Variants in FBXL22 observed in about 807,000 individuals in gnomAD.
FBXL22 encodes F-box and leucine rich repeat protein 22.
Under a neutral mutation model 11.7 loss-of-function variants are expected in FBXL22, and 13 were observed. The ratio of observed to expected loss-of-function variants is 1.11; its 90% confidence interval spans 0.73 to 1.77. The LOEUF (loss-of-function observed/expected upper bound fraction) is 1.77. FBXL22 is among the 40% of genes most tolerant of loss of function. The pLI, the probability that FBXL22 is intolerant of heterozygous loss-of-function variation, is 0.00. For synonymous variants in FBXL22, 160 were observed against 144.1 expected, an observed-to-expected ratio of 1.11 and a Z score of -0.79; for missense variants, 406 against 320.4, an observed-to-expected ratio of 1.27 and a Z score of -2.04.
chr15:63,601,200 T>C lies in FBXL22; in HGVS notation c.*161T>C, dbSNP rs752614278. On this transcript the variant is annotated 3_prime_UTR_variant, in exon 2 of 2. Transcript: ENST00000638704. ...AAGCCTACCTCACGTTACGATTTTA[T>C]ACATAGGATAAACGCAAGATTAAAT... The C allele has an allele frequency of 1.1e-4, 156 of 1,482,366 alleles. No homozygotes were observed. Among genetic ancestry groups the C allele is most frequent in the Non-Finnish European group, 1.3e-4 (147 of 1,124,242 alleles). 91.8% of individuals were successfully genotyped at this position (1,482,366 alleles called of 1,614,324 possible).
chr15:63,605,894 C>G (rs559693221), downstream of FBXL22, among the ~76,000 whole-genome samples: 2 of 152,176 alleles, frequency 1.3e-5, no homozygotes, highest in Non-Finnish European at 2.9e-5. Flanking sequence ...GCCCCAGTGC[C>G]GGCAGAGAGA....
chr15:63,607,812 G>T, the FBXL22 span, among the ~76,000 whole-genome samples: 1 of 152,128 alleles, frequency 6.6e-6, no homozygotes, highest in African/African-American at 2.4e-5. Context: ...GAGACAAGCT[G>T]TCCACAGGCC....
rs573827635 is a variant in FBXL22 at position 63,597,801 on chromosome 15, T to TG, written c.353+62dup. The TG allele has an allele frequency of 7.6e-4, 1,123 of 1,487,076 alleles. 3 individuals are homozygous for TG. The highest frequency in any genetic ancestry group is 8.4e-4 in the Non-Finnish European group (934 of 1,110,922). 92.1% of individuals were successfully genotyped at this position (1,487,076 alleles called of 1,614,324 possible). A position where few individuals can be genotyped will look rare whatever the true frequency, so the allele number is the denominator to read the frequency against. ...GCCCCGCTAGCTCTGGCTTCCCTCT[T>TG]GGGGGGCAGGGAAGAGCAAATTACG... On this transcript the variant is annotated intron_variant, in intron 1 of 1. Coordinates refer to ENST00000638704, the MANE Select transcript of FBXL22 (RefSeq NM_001367807.1). This position sits in a 1 kb window ranked among gnomAD's most constrained non-coding sequence, Gnocchi z 4.3.
Position 63,600,718 on chromosome 15 carries a change from C to T in FBXL22, c.375C>T (p.Val125=). 1.6e-6 allele frequency: 2 copies of T among 1,231,546 alleles called. No individual in the cohort carries two copies. Among genetic ancestry groups the T allele is most frequent in the Non-Finnish European group, 2.0e-6 (2 of 987,798 alleles). 76.3% of individuals were successfully genotyped at this position (1,231,546 alleles called of 1,614,324 possible). A position where few individuals can be genotyped will look rare whatever the true frequency, so the allele number is the denominator to read the frequency against. The change falls in exon 2 of 2, where the codon GTC becomes GTT. Residue 125 remains valine, a synonymous_variant. Transcript: ENST00000638704. ...ACAGGTGCCCCAACCTGGCGTCCGT[C>T]ACGCTCTCGGGCTGCGGCCACGTTA... ...VCDRCPNLAS[V]TLSGCGHVTD...
In FBXL22 at chr15:63,597,741, G is replaced by A. The variant is rs200607556; in HGVS notation, c.349G>A (p.Asp117Asn). 2.5e-5 allele frequency: 39 copies of A among 1,572,674 alleles called. No individual in the cohort carries two copies. The highest frequency in any genetic ancestry group is 2.0e-4 in the South Asian group (17 of 86,288). ...LVNDFLLRVCDRCPNLASVTL... is the reference protein window; with the variant it reads ...LVNDFLLRVCNRCPNLASVTL... ...CAATGATTTCCTCCTCCGGGTGTGCGACAGGTAGGCCACCTTGCCTCCTGA... is the reference window on the plus strand; with the variant it reads ...CAATGATTTCCTCCTCCGGGTGTGCAACAGGTAGGCCACCTTGCCTCCTGA... The change falls in exon 1 of 2, where the codon GAC (aspartate) becomes AAC (asparagine). Residue 117 changes from aspartate to asparagine, a missense_variant. Coordinates refer to ENST00000638704, the MANE Select transcript of FBXL22 (RefSeq NM_001367807.1). The surrounding 1 kb of genome is among the most constrained non-coding windows in gnomAD (Gnocchi z 4.3).
downstream of FBXL22, among the ~76,000 whole-genome samples, chr15:63,603,986 T>C (rs1382149099): frequency 1.3e-5 from 2 of 152,246 alleles, no homozygotes; most frequent in African/African-American, 2.4e-5. Flanking sequence ...AATGTTTGTC[T>C]ACAACAGAGC....
rs546862368 is a variant in FBXL22, at chr15:63,597,531, G to T, written c.139G>T (p.Ala47Ser). ...SQLHDVFEDP[A>S]LWSLLHFRSL... Reference sequence around the variant, plus strand: ...GCTCCACGACGTGTTTGAGGACCCCGCACTCTGGTCCCTGCTGCACTTCCG... The same window carrying T: ...GCTCCACGACGTGTTTGAGGACCCCTCACTCTGGTCCCTGCTGCACTTCCG... Residue 47 changes from alanine to serine, a missense_variant, in exon 1 of 2, where the codon GCA (alanine) becomes TCA (serine). Coordinates refer to ENST00000638704, the MANE Select transcript of FBXL22 (RefSeq NM_001367807.1). The surrounding 1 kb of genome is among the most constrained non-coding windows in gnomAD (Gnocchi z 4.3). 22 of 1,614,058 alleles carry T rather than the reference G, an allele frequency of 1.4e-5. No homozygotes were observed. In the South Asian group the frequency reaches 2.2e-4, roughly 16 times the overall value.
chr15:63,601,691 A>ACTCGCGATTGTAGAAAATTCG (rs773016359), downstream of FBXL22: 43 of 1,602,826 alleles, frequency 2.7e-5, no homozygotes, highest in East Asian at 7.0e-4. Flanking sequence ...CAGTGACCGC[A>ACTCGCGATTGTAGAAAATTCG]CTCGCGATTG....
At chr15:63,599,594 G>T (rs1172133211) in intron 1 of FBXL22, 1 of 1,011,998 alleles carries the variant, frequency 9.9e-7, no homozygotes, top group African/African-American at 1.7e-5. Flanking sequence ...CCCGGGCTCG[G>T]TGTGACACCT....
rs910447533 is a variant in FBXL22 at position 63,599,781 on chromosome 15, A to C, written c.354-916A>C. 3 of 986,130 alleles carry C rather than the reference A, an allele frequency of 3.0e-6. No individual in the cohort carries two copies. The African/African-American group carries it at 5.2e-5, about 17-fold the overall frequency. The allele number at this position is 986,130 out of a possible 1,614,324, so 61.1% of individuals were successfully genotyped here. ...CGGGGAGCCAAGGCCCCGGCCCATT[A>C]GTCGGTCCTTCTGGACTGGAAGCAG... On this transcript the variant is annotated intron_variant, in intron 1 of 1. Coordinates refer to ENST00000638704, the MANE Select transcript of FBXL22 (RefSeq NM_001367807.1).
downstream of FBXL22, chr15:63,601,830 A>C: frequency 3.4e-6 from 4 of 1,170,728 alleles, no homozygotes; most frequent in Non-Finnish European, 4.6e-6. Flanking sequence ...ACAAAAACAA[A>C]ACCAGCAGCC....
In FBXL22 at chr15:63,601,015, C is replaced by T; in HGVS notation, c.672C>T (p.Ala224=). 8 of 1,206,612 alleles carry T rather than the reference C, an allele frequency of 6.6e-6. No homozygotes were observed. The highest frequency in any genetic ancestry group is 8.2e-6 in the Non-Finnish European group (8 of 972,130). The allele number at this position is 1,206,612 out of a possible 1,614,324, so 74.7% of individuals were successfully genotyped here. A position where few individuals can be genotyped will look rare whatever the true frequency, so the allele number is the denominator to read the frequency against. ...CGCGCCCGCGCGCGCCCGCCGCGGC[C>T]CTCGGCAAGCTGCTGCAGCGCTAGA... ...QPPRPRAPAA[A]LGKLLQR Residue 224 remains alanine (A), a synonymous_variant, in exon 2 of 2, where the codon GCC becomes GCT. Coordinates refer to ENST00000638704, the MANE Select transcript of FBXL22 (RefSeq NM_001367807.1).
intron 1 of FBXL22, chr15:63,600,493 T>G (rs2067349448): frequency 2.4e-6 from 3 of 1,225,538 alleles, no homozygotes; most frequent in Admixed American, 4.3e-5. Flanking sequence ...CAGATGAAGG[T>G]ACGGTGGGGT....
downstream of FBXL22, chr15:63,601,352 C>G (rs761407354): frequency 2.5e-5 from 40 of 1,604,002 alleles, no homozygotes; most frequent in Non-Finnish European, 3.3e-5. Context: ...TCCTCGGGGA[C>G]TCCGATCGCC....
At chr15:63,607,031 C>T (rs2067421035), downstream of FBXL22, among the ~76,000 whole-genome samples, 1 of 149,710 alleles carries the variant, frequency 6.7e-6, no homozygotes, top group African/African-American at 2.5e-5. Flanking sequence ...CTCCTGGATT[C>T]GTCCAGGATC....
chr15:63,601,591 G>A (rs563404083), downstream of FBXL22: 20 of 1,576,950 alleles, frequency 1.3e-5, no homozygotes, highest in Non-Finnish European at 1.5e-5. Flanking sequence ...GGGGCGCACG[G>A]GCAGAAGGAG....
At chr15:63,599,835 G>C in intron 1 of FBXL22, 1 of 985,782 alleles carries the variant, frequency 1.0e-6, no homozygotes, top group Non-Finnish European at 1.2e-6. Flanking sequence ...CAGGGAAAGC[G>C]GGTTAGGACT....
chr15:63,597,558 T>G lies in FBXL22; in HGVS notation c.166T>G (p.Ser56Ala). The change falls in exon 1 of 2, where the codon TCC becomes GCC. Residue 56 changes from serine to alanine, a missense_variant. Ser to Ala is a moderately conservative substitution (Grantham distance 99). Transcript: ENST00000638704. The surrounding 1 kb of genome is among the most constrained non-coding windows in gnomAD (Gnocchi z 4.3). The stretch of plus-strand genomic sequence containing the variant: ...ACTCTGGTCCCTGCTGCACTTCCGT[T>G]CCCTCACTGAACTCCAGAAGGACAA... ...PALWSLLHFR[S>A]LTELQKDNFL... 1.9e-6 allele frequency: 3 copies of G among 1,614,154 alleles called. No homozygotes were observed. The highest frequency in any genetic ancestry group is 2.5e-6 in the Non-Finnish European group (3 of 1,180,028).
At chr15:63,607,530 A>G in the FBXL22 span, among the ~76,000 whole-genome samples, 2 of 152,230 alleles carry the variant, frequency 1.3e-5, no homozygotes, top group African/African-American at 4.8e-5. Flanking sequence ...ATTCTAGTTG[A>G]AGCCTTTTTT....
Sources: gnomAD v4.1 joint callset for allele counts (sites outside exome capture counted in the v4.1 genomes callset) on GRCh38, gnomAD v4.1.1 for gene constraint, Gnocchi (gnomAD v3.1) non-coding constraint, MANE v1.5 for transcripts, NCBI Gene and HGNC (gene_info 2026-07-23, HGNC 2026-07-21) for gene names.